RAB11FIP3: variants seen among roughly 807,000 people sequenced by gnomAD.
RAB11FIP3 encodes rab11 family-interacting protein 3.
A neutral mutation model predicts 77.8 loss-of-function variants in RAB11FIP3; 17 were observed. The observed-to-expected ratio is 0.22, with a 90% CI of 0.15 to 0.33. The LOEUF (loss-of-function observed/expected upper bound fraction) is 0.33, where lower values mean the gene tolerates loss of function less well. Among genes scored for constraint, RAB11FIP3 ranks in the 10% least tolerant of loss-of-function variants. The pLI is 1.00. For synonymous variants in RAB11FIP3, 437 were observed against 448.2 expected, an observed-to-expected ratio of 0.98 and a Z score of 0.31; for missense variants, 1,005 against 1,011.2, an observed-to-expected ratio of 0.99 and a Z score of 0.08.
rs7201440 is a variant in RAB11FIP3, at chr16:505,505, G to A, written c.1396-19G>A. The A allele has an allele frequency of 6.3e-7, 1 of 1,598,424 alleles. No individual in the cohort carries two copies. The highest frequency in any genetic ancestry group is 1.1e-5 in the South Asian group (1 of 89,332). ...CTGCTTCTGGCTGCCTGACCCTGAA[G>A]CCTGGTCTCATTGCCAAGGTTGTCT... On this transcript the variant is annotated intron_variant, in intron 7 of 13. Transcript: ENST00000262305. This position sits in a 1 kb window ranked among gnomAD's most constrained non-coding sequence, Gnocchi z 4.0.
chr16:450,883 C>A (rs1264587622), intron 1 of RAB11FIP3, among the ~76,000 whole-genome samples: 2 of 143,068 alleles, frequency 1.4e-5, no homozygotes, highest in Non-Finnish European at 3.1e-5. Flanking sequence ...ACCTTCCCCT[C>A]GCCTGGGGCA....
chr16:489,115 T>G (rs754690401), intron 5 of RAB11FIP3, 115 bp downstream of exon 5: 27 of 1,241,048 alleles, frequency 2.2e-5, no homozygotes, highest in Non-Finnish European at 2.9e-5. Context: ...CTTGACGTCA[T>G]GTGATTAAGT....
intron 2 of RAB11FIP3, among the ~76,000 whole-genome samples, chr16:463,396 G>A (rs1026163712): frequency 6.6e-6 from 1 of 150,456 alleles, no homozygotes; most frequent in Non-Finnish European, 1.5e-5. Flanking sequence ...GTCTTTAGAT[G>A]GCTCTGGGGA....
rs374194528 is a variant in RAB11FIP3, at chr16:426,701, C to T, written c.695C>T (p.Thr232Met). ...ATCGAGGACTTCATCCAGTTTGCTA[C>T]GGTCTACGGGGCAGAGCAGGTACGG... ...VRIEDFIQFA[T>M]VYGAEQVKDL... Residue 232 changes from threonine to methionine, a missense_variant, in exon 1 of 14, where the codon ACG (threonine) becomes ATG (methionine). By Grantham distance (81) the Thr-to-Met change is moderately conservative. This residue lies in a region of RAB11FIP3 where 466 missense variants were observed against 408.3 expected (regional missense o/e 1.14). Transcript: ENST00000262305. The surrounding 1 kb of genome is among the most constrained non-coding windows in gnomAD (Gnocchi z 5.0). The T allele has an allele frequency of 4.6e-6, 7 of 1,526,414 alleles. No individual in the cohort carries two copies. Among genetic ancestry groups the T allele is most frequent in the African/African-American group, 1.4e-5 (1 of 71,268 alleles). 94.6% of individuals were successfully genotyped at this position (1,526,414 alleles called of 1,614,324 possible).
At chr16:479,130 G>C (rs1259332542) in intron 3 of RAB11FIP3, among the ~76,000 whole-genome samples, 1 of 152,156 alleles carries the variant, frequency 6.6e-6, no homozygotes, top group Non-Finnish European at 1.5e-5. Context: ...GGTGGCTTAT[G>C]CCTATAATCC....
At chr16:436,079 C>T (rs1005764779) in intron 1 of RAB11FIP3, among the ~76,000 whole-genome samples, 2 of 152,032 alleles carry the variant, frequency 1.3e-5, no homozygotes, top group African/African-American at 2.4e-5. Context: ...GGGAGGCCGA[C>T]GCCGGCGACT....
intron 1 of RAB11FIP3, among the ~76,000 whole-genome samples, chr16:445,274 A>G (rs1016533661): frequency 5.7e-5 from 7 of 122,588 alleles, no homozygotes; most frequent in Non-Finnish European, 1.4e-4. Context: ...ATCTACTAAA[A>G]ATACAAAAAA....
chr16:438,427 A>G (rs1258212872), intron 1 of RAB11FIP3, among the ~76,000 whole-genome samples: 1 of 109,438 alleles, frequency 9.1e-6, no homozygotes, highest in Non-Finnish European at 1.8e-5. Context: ...TTTTTTTGAG[A>G]CAGAGTCTTG....
chr16:450,042 G>T (rs2141610456), intron 1 of RAB11FIP3, among the ~76,000 whole-genome samples: 1 of 152,288 alleles, frequency 6.6e-6, no homozygotes, highest in South Asian at 2.1e-4. Flanking sequence ...AAGAGAGGGG[G>T]TCTTAGAATT....
In RAB11FIP3 at chr16:496,954, T is replaced by C. The variant is rs984147690; in HGVS notation, c.1301+95T>C. The C allele has an allele frequency of 8.7e-6, 12 of 1,373,026 alleles. No individual in the cohort carries two copies. The East Asian group carries it at 1.2e-4, about 13-fold the overall frequency. 85.1% of individuals were successfully genotyped at this position (1,373,026 alleles called of 1,614,324 possible). On this transcript the variant is annotated intron_variant, in intron 6 of 13. Coordinates refer to ENST00000262305, the MANE Select transcript of RAB11FIP3 (RefSeq NM_014700.4). The stretch of plus-strand genomic sequence containing the variant: ...CATTTTAAAATGTTCTTTTCCAAGG[T>C]ATTTTTTAAACTCTTGCAAGTTACT...
chr16:494,270 G>A (rs1012421102), intron 5 of RAB11FIP3, among the ~76,000 whole-genome samples: 3 of 151,356 alleles, frequency 2.0e-5, no homozygotes, highest in African/African-American at 4.9e-5. Context: ...TAAACTGAAC[G>A]ATGAGTCTGT....
intron 1 of RAB11FIP3, among the ~76,000 whole-genome samples, chr16:447,598 C>T (rs957720406): frequency 3.3e-5 from 5 of 152,216 alleles, no homozygotes; most frequent in South Asian, 2.1e-4. Context: ...ATTAGCCGGG[C>T]GTGGTGGCAG....
chr16:477,652 G>A, intron 3 of RAB11FIP3: 1 of 985,460 alleles, frequency 1.0e-6, no homozygotes. Context: ...AGCTGCCCAG[G>A]GACGGTGAGT....
intron 3 of RAB11FIP3, among the ~76,000 whole-genome samples, chr16:481,574 C>T (rs1486568496): frequency 1.3e-5 from 2 of 149,730 alleles, no homozygotes; most frequent in Admixed American, 1.3e-4. Context: ...TAGCTGGGAC[C>T]TACAGGCAGG....
At chr16:517,550 G>A (rs1379479804) in intron 9 of RAB11FIP3, among the ~76,000 whole-genome samples, 2 of 151,970 alleles carry the variant, frequency 1.3e-5, no homozygotes, top group Non-Finnish European at 2.9e-5. Context: ...GTAACAGAGC[G>A]AGACCCTCTC....
At chr16:430,255 A>G (rs2055015241) in intron 1 of RAB11FIP3, among the ~76,000 whole-genome samples, 2 of 152,184 alleles carry the variant, frequency 1.3e-5, no homozygotes, top group African/African-American at 4.8e-5. Context: ...TGAAGCAGAG[A>G]TTGTAAAATA....
At chr16:436,442 G>A (rs1349934375) in intron 1 of RAB11FIP3, among the ~76,000 whole-genome samples, 1 of 152,060 alleles carries the variant, frequency 6.6e-6, no homozygotes, top group African/African-American at 2.4e-5. Context: ...CCAGGGGCAT[G>A]CCCCCACACC....
At chr16:438,263 A>G (rs1303658878) in intron 1 of RAB11FIP3, among the ~76,000 whole-genome samples, 5 of 150,556 alleles carry the variant, frequency 3.3e-5, no homozygotes, top group Non-Finnish European at 7.4e-5. Context: ...ACGTACCACC[A>G]TGCCCGGCTA....
At chr16:445,113 C>CAAAAAAAAAAA (rs56706849) in intron 1 of RAB11FIP3, among the ~76,000 whole-genome samples, 5 of 70,808 alleles carry the variant, frequency 7.1e-5, no homozygotes, top group African/African-American at 3.5e-4. Flanking sequence ...GACTCTGTCT[C>CAAAAAAAAAAA]AAAAAAAAAA....
Sources: allele counts gnomAD v4.1 joint callset (sites outside exome capture counted in the v4.1 genomes callset), GRCh38; gene constraint gnomAD v4.1.1; regional missense constraint gnomAD v4.1.1; non-coding constraint Gnocchi (gnomAD v3.1); transcripts MANE v1.5; gene names NCBI Gene and HGNC (gene_info 2026-07-23, HGNC 2026-07-21).